Variants in PCDHA11 observed in about 807,000 individuals in gnomAD.
PCDHA11 encodes the protein protocadherin alpha 11.
In PCDHA11, 61 loss-of-function variants were observed where a neutral mutation model predicts 70.3. The observed-to-expected ratio is 0.87, with a 90% CI of 0.71 to 1.07. The LOEUF (loss-of-function observed/expected upper bound fraction) is 1.07, where lower values mean the gene tolerates loss of function less well. Among genes scored for constraint, PCDHA11 ranks in the 50% least tolerant of loss-of-function variants. PCDHA11 has a pLI of 0.00. For synonymous variants in PCDHA11, 633 were observed against 555.1 expected (o/e 1.14, Z -1.97); for missense variants, 1,324 against 1,237.5 (o/e 1.07, Z -1.05).
chr5:140,884,514 C>T (rs368331245), intron 1 of PCDHA11: 3 of 1,614,176 alleles, frequency 1.9e-6, no homozygotes, highest in African/African-American at 1.3e-5. Context: ...GGGAGTTGGT[C>T]GTACTCGCAG....
chr5:140,965,236 A>G (rs1374558346), intron 1 of PCDHA11, among the ~76,000 whole-genome samples: 1 of 152,222 alleles, frequency 6.6e-6, no homozygotes, highest in African/African-American at 2.4e-5. Flanking sequence ...GAACCTGGGA[A>G]GAGTGAATAT....
chr5:141,009,491 C>G, intron 3 of PCDHA11, 136 bp from the exon 4 acceptor site: 1 of 1,475,722 alleles, frequency 6.8e-7, no homozygotes, highest in Non-Finnish European at 9.0e-7. Flanking sequence ...GCCTTGCCCT[C>G]AGACTTGAAC....
intron 1 of PCDHA11, chr5:140,877,865 T>C (rs1554170196): frequency 1.3e-6 from 2 of 1,496,610 alleles, no homozygotes; most frequent in South Asian, 2.8e-5. Flanking sequence ...TATTTAGATA[T>C]ATTTGTTTCC....
At chr5:140,927,612 C>T (rs781873236) in intron 1 of PCDHA11, 12 of 1,614,172 alleles carry the variant, frequency 7.4e-6, no homozygotes, top group Non-Finnish European at 8.5e-6. Context: ...TATACCGCAC[C>T]AAGGTTCCAG....
chr5:140,928,697 G>C, intron 1 of PCDHA11: 9 of 1,614,124 alleles, frequency 5.6e-6, no homozygotes, highest in Non-Finnish European at 5.9e-6. Context: ...CACATCTCCC[G>C]GGCGTCTGAC....
chr5:140,947,778 G>A (rs2094175732), intron 1 of PCDHA11, among the ~76,000 whole-genome samples: 2 of 151,456 alleles, frequency 1.3e-5, no homozygotes, highest in South Asian at 4.1e-4. Context: ...TATTGTAAAT[G>A]GATTTTAAAC....
rs116377419 is a variant in PCDHA11, at chr5:140,884,621, G to A, written c.2391+13127G>A. On this transcript the variant is annotated intron_variant, in intron 1 of 3. Coordinates refer to ENST00000398640, the MANE Select transcript of PCDHA11 (RefSeq NM_018902.5). ...TCCTCCTTGTCTGGGTTCTGCAGAG[G>A]GAACAGGCCAGAGGGAGGAGGACTC... 8.0e-4 allele frequency: 1,287 copies of A among 1,613,996 alleles called. 6 individuals carry two copies. The African/African-American group carries it at 0.016, about 20-fold the overall frequency.
intron 1 of PCDHA11, chr5:140,966,954 G>T (rs782541612): frequency 6.2e-7 from 1 of 1,601,606 alleles, no homozygotes; most frequent in Non-Finnish European, 8.5e-7. Flanking sequence ...AACGTGGCTC[G>T]CGCGCTGGGG....
At chr5:140,966,683 G>A (rs1357691419) in intron 1 of PCDHA11, 1 of 1,331,590 alleles carries the variant, frequency 7.5e-7, no homozygotes. Flanking sequence ...TGGCACGAGC[G>A]GAGGCGGGGC....
chr5:140,967,212 C>T, intron 1 of PCDHA11: 1 of 1,613,630 alleles, frequency 6.2e-7, no homozygotes, highest in Middle Eastern at 1.6e-4. Flanking sequence ...CCGCGTTTCC[C>T]GCGGCCCAAC....
At chr5:140,962,169 C>T (rs2095662298) in intron 1 of PCDHA11, among the ~76,000 whole-genome samples, 1 of 152,152 alleles carries the variant, frequency 6.6e-6, no homozygotes, top group Non-Finnish European at 1.5e-5. Flanking sequence ...GCCACCACAC[C>T]CGGCCACTTA....
chr5:140,916,090 G>A (rs1464191226), intron 1 of PCDHA11, among the ~76,000 whole-genome samples: 1 of 152,160 alleles, frequency 6.6e-6, no homozygotes, highest in African/African-American at 2.4e-5. Context: ...TGGTCCACAG[G>A]GAATCTGCCT....
chr5:140,963,438 CT>C (rs2095766112), intron 1 of PCDHA11, among the ~76,000 whole-genome samples: 1 of 152,242 alleles, frequency 6.6e-6, no homozygotes, highest in Admixed American at 6.5e-5. Context: ...TAACTTCATA[CT>C]CTGTTGCTAA....
At chr5:140,941,644 C>T (rs1157047813) in intron 1 of PCDHA11, among the ~76,000 whole-genome samples, 2 of 152,034 alleles carry the variant, frequency 1.3e-5, no homozygotes, top group African/African-American at 4.8e-5. Flanking sequence ...TGTCTTCCTA[C>T]AACTTATGTC....
Position 140,870,297 on chromosome 5 carries a change from C to T in PCDHA11, c.1194C>T (p.Ser398=). The T allele has an allele frequency of 6.2e-7, 1 of 1,614,186 alleles. No homozygotes were observed. Among genetic ancestry groups the T allele is most frequent in the Non-Finnish European group, 8.5e-7 (1 of 1,180,028 alleles). ...CCCACGTTCCCTTCAAGCTGGTGTC[C>T]ACCTTCAAGAATTACTACTCGTTGG... ...LTPHVPFKLV[S]TFKNYYSLVL... The change falls in exon 1 of 4, where the codon TCC becomes TCT. Residue 398 remains serine, a synonymous_variant. Coordinates refer to ENST00000398640, the MANE Select transcript of PCDHA11 (RefSeq NM_018902.5).
chr5:140,903,402 G>T (rs1293264385), intron 1 of PCDHA11, among the ~76,000 whole-genome samples: 6 of 152,192 alleles, frequency 3.9e-5, no homozygotes, highest in Non-Finnish European at 5.9e-5. Context: ...AAACAGTAGT[G>T]CAGTCAGGAA....
intron 1 of PCDHA11, among the ~76,000 whole-genome samples, chr5:140,976,583 G>A (rs1360171256): frequency 8.6e-5 from 13 of 151,966 alleles, no homozygotes; most frequent in African/African-American, 3.1e-4. Flanking sequence ...ATAAAACACA[G>A]ACTTTTGTGT....
At position 140,978,952 on chromosome 5, in the gene PCDHA11, C is replaced by T. The variant is rs374951627; in HGVS notation, c.2395C>T (p.Arg799Ter). Residue 799 changes from arginine (R) to a stop codon, truncating the protein, a stop_gained, in exon 2 of 4, where the codon CGA (arginine) becomes TGA (stop). Coordinates refer to ENST00000398640, the MANE Select transcript of PCDHA11 (RefSeq NM_018902.5). LOFTEE classifies it high-confidence loss of function. ...EPGSNHPGQP[R>*]QPNPDWRYSA... ...AACTCTCTTTGTGATTTTGCAGCCA[C>T]GACAGCCCAACCCTGACTGGCGTTA... is the stretch of plus-strand genomic sequence containing the variant. 5.0e-6 allele frequency: 8 copies of T among 1,614,018 alleles called. No individual in the cohort carries two copies. The highest frequency in any genetic ancestry group is 2.2e-5 in the South Asian group (2 of 91,070).
At chr5:140,919,976 G>A (rs552658832) in intron 1 of PCDHA11, among the ~76,000 whole-genome samples, 1 of 134,018 alleles carries the variant, frequency 7.5e-6, no homozygotes, top group Non-Finnish European at 1.7e-5. Context: ...ATAAGAGATA[G>A]AAGATGGAAA....
Sources: gnomAD v4.1 joint callset for allele counts (sites outside exome capture counted in the v4.1 genomes callset) on GRCh38, gnomAD v4.1.1 for gene constraint, MANE v1.5 for transcripts, NCBI Gene and HGNC (gene_info 2026-07-23, HGNC 2026-07-21) for gene names.